Variants in LMNA observed in about 807,000 individuals in gnomAD.
The protein encoded by LMNA is lamin A/C.
Under a neutral mutation model 70.4 loss-of-function variants are expected in LMNA, and 20 were observed. The observed-to-expected ratio is 0.28, with a 90% confidence interval of 0.20 to 0.41. LMNA has a LOEUF of 0.41. LMNA is among the 10% of genes least tolerant of loss of function. The probability of loss-of-function intolerance (pLI) is 1.00; values close to 1 mark genes in which losing one functional copy is unlikely to be tolerated. For missense variants in LMNA, 652 were observed against 917.2 expected (o/e 0.71, Z 3.73); for synonymous variants, 339 against 372.8 (o/e 0.91, Z 1.04).
At chr1:156,096,537 G>A (rs915407736) in intron 3 of LMNA, among the ~76,000 whole-genome samples, 5 of 152,234 alleles carry the variant, frequency 3.3e-5, no homozygotes, top group African/African-American at 1.2e-4. Flanking sequence ...CCACACAACC[G>A]CAGACCGGGT....
At position 156,126,276 on chromosome 1, in the gene LMNA, A is replaced by G. The variant is rs984711218; in HGVS notation, c.357-4341A>G. 26 of 1,352,658 alleles carry G rather than the reference A, an allele frequency of 1.9e-5. No individual in the cohort carries two copies. In the Admixed American group the frequency reaches 2.1e-4, roughly 11 times the overall value. 83.8% of individuals were successfully genotyped at this position (1,352,658 alleles called of 1,614,324 possible). ...TAAGGAGTCCCTGCAGGGCTGGGCC[A>G]GCTCCTCCACCTCCCCTTTGTCTTC... On this transcript the variant is annotated intron_variant, in intron 1 of 11. Coordinates refer to ENST00000368300, the MANE Select transcript of LMNA (RefSeq NM_170707.4).
At chr1:156,087,685 C>G (rs1648532368) in intron 2 of LMNA, among the ~76,000 whole-genome samples, 1 of 152,038 alleles carries the variant, frequency 6.6e-6, no homozygotes, top group Non-Finnish European at 1.5e-5. Flanking sequence ...TCTCCAATAG[C>G]TGAACCACAG....
intron 1 of LMNA, among the ~76,000 whole-genome samples, chr1:156,120,286 C>A (rs538932370): frequency 4.6e-5 from 7 of 152,328 alleles, no homozygotes; most frequent in African/African-American, 1.7e-4. Context: ...CTTATGACTT[C>A]CAGCTGGGTG....
In LMNA at chr1:156,114,818, G is replaced by A; in HGVS notation, c.-101G>A. 1.2e-6 allele frequency: 1 copy of A among 809,364 alleles called. No individual in the cohort carries two copies. The highest frequency in any genetic ancestry group is 1.9e-5 in the South Asian group (1 of 53,592). 50.1% of individuals were successfully genotyped at this position (809,364 alleles called of 1,614,324 possible). A position where few individuals can be genotyped will look rare whatever the true frequency, so the allele number is the denominator to read the frequency against. Reference sequence around the variant, plus strand: ...CCAGGAGCAAGCCGAGAGCCAGCCGGCCGGCGCACTCCGACTCCGAGCAGT... The same window carrying A: ...CCAGGAGCAAGCCGAGAGCCAGCCGACCGGCGCACTCCGACTCCGAGCAGT... On this transcript the variant is annotated 5_prime_UTR_variant, in exon 1 of 12. Transcript: ENST00000368300.
chr1:156,132,412 G>A (rs1465740450), intron 2 of LMNA, among the ~76,000 whole-genome samples: 3 of 152,138 alleles, frequency 2.0e-5, no homozygotes, highest in Non-Finnish European at 4.4e-5. Context: ...GGAGGTTGCA[G>A]TGAGCCAAGA....
Position 156,135,379 on chromosome 1 carries a change from A to C in LMNA, c.936+67A>C. The C allele has an allele frequency of 2.7e-5, 18 of 661,602 alleles. No individual in the cohort carries two copies. Among genetic ancestry groups the C allele is most frequent in the East Asian group, 1.8e-4 (3 of 16,952 alleles). 41.0% of individuals were successfully genotyped at this position (661,602 alleles called of 1,614,324 possible). The stretch of plus-strand genomic sequence containing the variant: ...TGGGCCGGATGCAGGCTGGAAGCCC[A>C]GGGTTGGGGGTGGGGGTGGGGGTGG... On this transcript the variant is annotated intron_variant, in intron 5 of 11. Transcript: ENST00000368300. The surrounding 1 kb of genome is among the most constrained non-coding windows in gnomAD (Gnocchi z 4.8).
intron 1 of LMNA, among the ~76,000 whole-genome samples, chr1:156,122,982 G>A (rs1650302969): frequency 6.6e-6 from 1 of 152,224 alleles, no homozygotes; most frequent in South Asian, 2.1e-4. Flanking sequence ...GCCTGCTGAA[G>A]CCAGGAATAA....
At chr1:156,099,322 G>A (rs1649056245) in intron 3 of LMNA, among the ~76,000 whole-genome samples, 1 of 152,090 alleles carries the variant, frequency 6.6e-6, no homozygotes, top group Non-Finnish European at 1.5e-5. Context: ...CTCCACCACT[G>A]GCTGCTTTGC....
At chr1:156,131,509 GA>G (rs1195002219) in intron 2 of LMNA, among the ~76,000 whole-genome samples, 32 of 152,194 alleles carry the variant, frequency 2.1e-4, no homozygotes, top group Non-Finnish European at 4.3e-4. Flanking sequence ...AGGATGGCTT[GA>G]ACCTGAGAGG....
Position 156,139,229 on chromosome 1 carries a change from T to TA in LMNA, c.*123_*124insA, listed in dbSNP as rs1442854257. ...AGCCAAAGAAAAATAACCCTTTGGT[T>TA]TTTTTCTTCTGTATTTTTTTTTCTA... On this transcript the variant is annotated 3_prime_UTR_variant, in exon 12 of 12. Transcript: ENST00000368300. 2.6e-6 allele frequency: 4 copies of TA among 1,515,724 alleles called. No individual in the cohort carries two copies. The African/African-American group carries it at 5.6e-5, about 21-fold the overall frequency. 93.9% of individuals were successfully genotyped at this position (1,515,724 alleles called of 1,614,324 possible).
intron 2 of LMNA, among the ~76,000 whole-genome samples, chr1:156,088,018 C>T (rs865947745): frequency 7.9e-5 from 12 of 151,928 alleles, no homozygotes; most frequent in Middle Eastern, 6.8e-3. Context: ...ACTACAGGCG[C>T]GCACCACCAC....
At chr1:156,104,361 C>G (rs940893289) in intron 3 of LMNA, among the ~76,000 whole-genome samples, 1 of 152,166 alleles carries the variant, frequency 6.6e-6, no homozygotes, top group Non-Finnish European at 1.5e-5. Flanking sequence ...TAAATATTTG[C>G]CCCAACAGGA....
Position 156,136,283 on chromosome 1 carries a change from A to G in LMNA, c.1227A>G (p.Thr409=), listed in dbSNP as rs762130433. The G allele has an allele frequency of 4.4e-5, 71 of 1,611,990 alleles. No individual in the cohort carries two copies. Among genetic ancestry groups the G allele is most frequent in the South Asian group, 7.7e-5 (7 of 91,032 alleles). ...RGRASSHSSQ[T]QGGGSVTKKR... ...GTGCTTCCTCTCACTCATCCCAGAC[A>G]CAGGGTGGGGGCAGCGTCACCAAAA... The change falls in exon 7 of 12, where the codon ACA becomes ACG. Residue 409 remains threonine (T), a synonymous_variant. Coordinates refer to ENST00000368300, the MANE Select transcript of LMNA (RefSeq NM_170707.4). This position sits in a 1 kb window ranked among gnomAD's most constrained non-coding sequence, Gnocchi z 6.1.
At chr1:156,101,429 T>A (rs543157273) in intron 3 of LMNA, among the ~76,000 whole-genome samples, 2 of 152,200 alleles carry the variant, frequency 1.3e-5, no homozygotes, top group Non-Finnish European at 2.9e-5. Context: ...GAATTTTGGA[T>A]TGCAGTGAGC....
intron 1 of LMNA, chr1:156,126,438 G>T (rs1650582707): frequency 3.2e-6 from 2 of 622,648 alleles, no homozygotes; most frequent in South Asian, 1.9e-5. Context: ...CCTGTGGCCG[G>T]CCCTGGCTTC....
At chr1:156,109,848 A>G (rs1429598789), upstream of LMNA, 1 of 151,076 alleles carries the variant, frequency 6.6e-6, no homozygotes, top group African/African-American at 2.4e-5. Flanking sequence ...ACACACACAT[A>G]TATATGTAAT....
At chr1:156,122,519 T>G (rs956477499) in intron 1 of LMNA, among the ~76,000 whole-genome samples, 1 of 152,212 alleles carries the variant, frequency 6.6e-6, no homozygotes, top group Non-Finnish European at 1.5e-5. Context: ...CCCGTGAAAG[T>G]TTGTTAGAAA....
chr1:156,119,831 C>T (rs1430028701), intron 1 of LMNA, among the ~76,000 whole-genome samples: 1 of 152,006 alleles, frequency 6.6e-6, no homozygotes, highest in Admixed American at 6.6e-5. Context: ...ATGTCTACCT[C>T]TTCTGCCCCC....
intron 1 of LMNA, chr1:156,126,893 C>T (rs752549023): frequency 6.2e-6 from 10 of 1,608,578 alleles, no homozygotes; most frequent in East Asian, 2.2e-5. Flanking sequence ...GGGCAGGACA[C>T]GGGCGAAGCC....
Sources: allele counts gnomAD v4.1 joint callset (sites outside exome capture counted in the v4.1 genomes callset), GRCh38; gene constraint gnomAD v4.1.1; non-coding constraint Gnocchi (gnomAD v3.1); transcripts MANE v1.5; gene names NCBI Gene and HGNC (gene_info 2026-07-23, HGNC 2026-07-21).